Variants in CHMP7 observed in about 807,000 individuals in gnomAD.
CHMP7 encodes CHMP family, member 7.
In CHMP7, 15 loss-of-function variants were observed where a neutral mutation model predicts 53.7. The ratio of observed to expected loss-of-function variants is 0.28; its 90% CI spans 0.19 to 0.43. The LOEUF (loss-of-function observed/expected upper bound fraction) is 0.43. CHMP7 is among the 20% of genes least tolerant of loss of function. The pLI, the probability that CHMP7 is intolerant of heterozygous loss-of-function variation, is 1.00. For missense variants in CHMP7, 527 were observed against 569.4 expected (o/e 0.93, Z 0.76); for synonymous variants, 261 against 228.0 (o/e 1.14, Z -1.30).
At chr8:23,248,055 T>C in intron 2 of CHMP7, 1 of 456,120 alleles carries the variant, frequency 2.2e-6, no homozygotes, top group Non-Finnish European at 4.4e-6. Flanking sequence ...CAAGCGATCC[T>C]CCCACCTCAG....
chr8:23,259,505 C>T (rs928990420), intron 9 of CHMP7, among the ~76,000 whole-genome samples: 2 of 151,944 alleles, frequency 1.3e-5, no homozygotes, highest in African/African-American at 2.4e-5. Context: ...GGATTATAGG[C>T]GCCCGCCACC....
rs1801685021 is a variant in CHMP7, at chr8:23,246,460, T to G, written c.-236T>G. 3.7e-5 allele frequency: 20 copies of G among 539,332 alleles called. No individual in the cohort carries two copies. The highest frequency in any genetic ancestry group is 4.9e-4 in the Middle Eastern group (1 of 2,052). The allele number at this position is 539,332 out of a possible 1,614,324, so 33.4% of individuals were successfully genotyped here. A position where few individuals can be genotyped will look rare whatever the true frequency, so the allele number is the denominator to read the frequency against. ...GGCACAAAGACCGTGGGAGGAGGGGTCGGCGCAAGCGCTCGGTGTCTCTCT... is the reference window on the plus strand; with the variant it reads ...GGCACAAAGACCGTGGGAGGAGGGGGCGGCGCAAGCGCTCGGTGTCTCTCT... On this transcript the variant is annotated 5_prime_UTR_variant, in exon 2 of 11. Coordinates refer to ENST00000397677, the MANE Select transcript of CHMP7 (RefSeq NM_152272.5).
At chr8:23,250,731 G>GC (rs1801894942) in intron 3 of CHMP7, among the ~76,000 whole-genome samples, 1 of 151,908 alleles carries the variant, frequency 6.6e-6, no homozygotes, top group Admixed American at 6.6e-5. Context: ...CACAGACCAA[G>GC]CCTGACCTCA....
Position 23,246,290 on chromosome 8 carries a change from A to G in CHMP7, c.-406A>G, listed in dbSNP as rs1166616879. 1 of 194,682 alleles carries G rather than the reference A, an allele frequency of 5.1e-6. No individual in the cohort carries two copies. Among genetic ancestry groups the G allele is most frequent in the African/African-American group, 2.4e-5 (1 of 42,248 alleles). The allele number at this position is 194,682 out of a possible 1,614,324, so 12.1% of individuals were successfully genotyped here. A position where few individuals can be genotyped will look rare whatever the true frequency, so the allele number is the denominator to read the frequency against. ...GATCCATCCGGGTGGTCCGGGCACC[A>G]CTGGCGCCCCTCTGCGGCTATTCCC... On this transcript the variant is annotated 5_prime_UTR_variant, in exon 2 of 11. Coordinates refer to ENST00000397677, the MANE Select transcript of CHMP7 (RefSeq NM_152272.5).
chr8:23,248,293 G>A, intron 2 of CHMP7: 1 of 422,050 alleles, frequency 2.4e-6, no homozygotes, highest in South Asian at 1.6e-5. Flanking sequence ...CTCTATGGTG[G>A]TATTAAAGTC....
chr8:23,256,169 GGACCAAATAAGGAA>G (rs1190099777), intron 4 of CHMP7, among the ~76,000 whole-genome samples: 2 of 152,236 alleles, frequency 1.3e-5, no homozygotes, highest in African/African-American at 4.8e-5. Flanking sequence ...TAAAAGTTCT[GGACCAAATAAGGAA>G]GACCAAATAT....
intron 3 of CHMP7, among the ~76,000 whole-genome samples, chr8:23,250,469 G>T (rs1434394375): frequency 6.6e-6 from 1 of 152,058 alleles, no homozygotes; most frequent in Non-Finnish European, 1.5e-5. Flanking sequence ...TGTCTCTTTT[G>T]TGGTACCTGG....
At chr8:23,250,643 T>C (rs1801888777) in intron 3 of CHMP7, among the ~76,000 whole-genome samples, 1 of 134,918 alleles carries the variant, frequency 7.4e-6, no homozygotes, top group Non-Finnish European at 1.7e-5. Flanking sequence ...TGTGTGTGTG[T>C]GTGTGTGTGT....
chr8:23,246,121 A>AT (rs1801673392), intron 1 of CHMP7, 135 bp from the exon 2 acceptor site: 1 of 151,782 alleles, frequency 6.6e-6, no homozygotes, highest in East Asian at 1.9e-4. Flanking sequence ...TCTTTTTATT[A>AT]TTTTTTCTCT....
chr8:23,257,685 C>T (rs188855611), intron 5 of CHMP7, among the ~76,000 whole-genome samples: 32 of 152,328 alleles, frequency 2.1e-4, no homozygotes, highest in African/African-American at 7.5e-4. Flanking sequence ...GAAAGTCTAG[C>T]CTTGTTGGGA....
rs574475394 is a variant in CHMP7 at position 23,246,516 on chromosome 8, T to A, written c.-180T>A. 2.0e-5 allele frequency: 12 copies of A among 610,018 alleles called. No homozygotes were observed. The highest frequency in any genetic ancestry group is 2.0e-4 in the East Asian group (7 of 35,840). 37.8% of individuals were successfully genotyped at this position (610,018 alleles called of 1,614,324 possible). A position where few individuals can be genotyped will look rare whatever the true frequency, so the allele number is the denominator to read the frequency against. On this transcript the variant is annotated 5_prime_UTR_variant, in exon 2 of 11. Coordinates refer to ENST00000397677, the MANE Select transcript of CHMP7 (RefSeq NM_152272.5). ...GAACTTCATCATACTGCCTCCTGGC[T>A]GACGGAGCGCAGCGCAACGCATGCG...
In CHMP7 at chr8:23,246,431, T is replaced by G; in HGVS notation, c.-265T>G. 2.0e-6 allele frequency: 1 copy of G among 509,298 alleles called. No individual in the cohort carries two copies. The highest frequency in any genetic ancestry group is 3.5e-6 in the Non-Finnish European group (1 of 286,844). 31.5% of individuals were successfully genotyped at this position (509,298 alleles called of 1,614,324 possible). A position where few individuals can be genotyped will look rare whatever the true frequency, so the allele number is the denominator to read the frequency against. On this transcript the variant is annotated 5_prime_UTR_variant, in exon 2 of 11. Coordinates refer to ENST00000397677, the MANE Select transcript of CHMP7 (RefSeq NM_152272.5). ...CCTGCCGCGCAGGCGCAAGCCTTTCTTTCGGCACAAAGACCGTGGGAGGAG... is the reference window on the plus strand; with the variant it reads ...CCTGCCGCGCAGGCGCAAGCCTTTCGTTCGGCACAAAGACCGTGGGAGGAG...
In CHMP7 at chr8:23,246,688, G is replaced by T. The variant is rs1468639352; in HGVS notation, c.-8G>T. ...TGTGTTCGCAGCCTTGCCGGGGCTG[G>T]GGTTCCGATGTGGTCCCCGGAGCGG... On this transcript the variant is annotated 5_prime_UTR_variant, in exon 2 of 11. Coordinates refer to ENST00000397677, the MANE Select transcript of CHMP7 (RefSeq NM_152272.5). 1.3e-6 allele frequency: 2 copies of T among 1,545,906 alleles called. No homozygotes were observed. Among genetic ancestry groups the T allele is most frequent in the Non-Finnish European group, 1.7e-6 (2 of 1,145,056 alleles).
chr8:23,245,441 T>C (rs970054919), intron 1 of CHMP7, among the ~76,000 whole-genome samples: 3 of 152,254 alleles, frequency 2.0e-5, no homozygotes, highest in Non-Finnish European at 4.4e-5. Flanking sequence ...TTTTTGAACA[T>C]TGAACTAGCC....
chr8:23,249,409 T>G, intron 3 of CHMP7, 28 bp downstream of exon 3: 1 of 1,542,990 alleles, frequency 6.5e-7, no homozygotes, highest in Non-Finnish European at 8.7e-7. Flanking sequence ...GGTGTCTGGG[T>G]GTCACCTGGT....
intron 1 of CHMP7, among the ~76,000 whole-genome samples, chr8:23,244,079 T>G: frequency 6.6e-6 from 1 of 152,170 alleles, no homozygotes; most frequent in East Asian, 1.9e-4. Context: ...TGCAAATAGT[T>G]TCTACCAGTC....
intron 4 of CHMP7, 117 bp from the exon 5 acceptor site, chr8:23,256,343 A>G (rs962333786): frequency 2.8e-5 from 20 of 726,554 alleles, no homozygotes; most frequent in Non-Finnish European, 2.5e-5. Flanking sequence ...TCACTGGAAC[A>G]TATCCCCCAT....
chr8:23,256,045 C>G (rs1802112740), intron 4 of CHMP7, among the ~76,000 whole-genome samples: 1 of 152,106 alleles, frequency 6.6e-6, no homozygotes, highest in African/African-American at 2.4e-5. Flanking sequence ...CAGGTGTAAA[C>G]CACCGTGCCT....
At chr8:23,254,869 A>G (rs368714785) in intron 3 of CHMP7, 4 of 339,558 alleles carry the variant, frequency 1.2e-5, no homozygotes, top group East Asian at 1.4e-4. Flanking sequence ...GACTGGCCCA[A>G]GGTCACCCAG....
Sources: allele counts gnomAD v4.1 joint callset (sites outside exome capture counted in the v4.1 genomes callset), GRCh38; gene constraint gnomAD v4.1.1; transcripts MANE v1.5; gene names NCBI Gene and HGNC (gene_info 2026-07-23, HGNC 2026-07-21).